IQCK: variants seen among roughly 807,000 people sequenced by gnomAD.
IQCK encodes IQ motif containing K, also known as IQ domain-containing protein K.
In IQCK, 29 loss-of-function variants were observed where a neutral mutation model predicts 28.1. That is an observed-to-expected ratio of 1.03 (90% CI 0.77 to 1.41). IQCK has a LOEUF of 1.41. Among genes scored for constraint, IQCK ranks in the 40% most tolerant of loss-of-function variants. The probability of loss-of-function intolerance (pLI) is 0.00; values close to 1 mark genes in which losing one functional copy is unlikely to be tolerated. For missense variants in IQCK, 359 were observed against 314.7 expected (o/e 1.14, Z -1.07); for synonymous variants, 113 against 115.1 (o/e 0.98, Z 0.12).
chr16:19,726,589 A>G (rs1977662516), intron 1 of IQCK, among the ~76,000 whole-genome samples: 1 of 152,246 alleles, frequency 6.6e-6, no homozygotes, highest in Non-Finnish European at 1.5e-5. Flanking sequence ...TACACTGGTT[A>G]AATAAATGTG....
chr16:19,760,531 C>T (rs1476041150), intron 4 of IQCK, among the ~76,000 whole-genome samples: 1 of 152,154 alleles, frequency 6.6e-6, no homozygotes, highest in Non-Finnish European at 1.5e-5. Flanking sequence ...AATCCCGTTT[C>T]CAATACAGTC....
rs573203982 is a variant in IQCK, at chr16:19,743,491, T to A, written c.474+8041T>A. Among the ~76,000 whole-genome samples, 4 of 152,346 alleles carry A rather than the reference T, an allele frequency of 2.6e-5. No individual in the cohort carries two copies. The South Asian group carries it at 8.3e-4, about 32-fold the overall frequency. On this transcript the variant is annotated intron_variant, in intron 4 of 7. Coordinates refer to ENST00000564186, the Ensembl canonical transcript of IQCK. ...GAGGCTAGGATTCAAGAATAGTAGT[T>A]GTCAGCACTTTTTGAGCCTTGCTTT...
intron 7 of IQCK, among the ~76,000 whole-genome samples, chr16:19,824,178 A>T (rs1427290071): frequency 6.6e-6 from 1 of 152,152 alleles, no homozygotes; most frequent in Non-Finnish European, 1.5e-5. Context: ...ATCAGTGGCA[A>T]CCCTGAGCTT....
intron 1 of IQCK, among the ~76,000 whole-genome samples, chr16:19,724,619 C>T (rs763908923): frequency 1.1e-4 from 17 of 152,026 alleles, no homozygotes; most frequent in Non-Finnish European, 2.1e-4. Context: ...AGCTCCGCCT[C>T]CTGGATTCAC....
At chr16:19,842,314 A>G (rs1338306270) in intron 9 of IQCK, among the ~76,000 whole-genome samples, 1 of 152,230 alleles carries the variant, frequency 6.6e-6, no homozygotes, top group African/African-American at 2.4e-5. Flanking sequence ...TTTGTTTGAG[A>G]TGTGTTTGTG....
intron 9 of IQCK, among the ~76,000 whole-genome samples, chr16:19,836,723 A>G (rs928400936): frequency 1.3e-5 from 2 of 152,182 alleles, no homozygotes; most frequent in East Asian, 1.9e-4. Flanking sequence ...CATGTTGGCC[A>G]GGATGCTCTT....
At chr16:19,828,073 T>G (rs2056172367), downstream of IQCK, among the ~76,000 whole-genome samples, 1 of 148,364 alleles carries the variant, frequency 6.7e-6, no homozygotes, top group South Asian at 2.1e-4. Flanking sequence ...CCACCACGCC[T>G]GGGTAATTTT....
intron 4 of IQCK, among the ~76,000 whole-genome samples, chr16:19,747,954 G>A (rs147641365): frequency 4.4e-4 from 67 of 152,194 alleles, no homozygotes; most frequent in Middle Eastern, 6.8e-3. Flanking sequence ...AAATAATATG[G>A]ACCGGGTCAC....
chr16:19,752,812 C>T (rs1008258515), intron 4 of IQCK, among the ~76,000 whole-genome samples: 1 of 152,070 alleles, frequency 6.6e-6, no homozygotes, highest in Non-Finnish European at 1.5e-5. Flanking sequence ...GATCCACTTG[C>T]CTCAGCCTCC....
intron 2 of IQCK, among the ~76,000 whole-genome samples, chr16:19,731,877 G>A (rs760338446): frequency 1.6e-4 from 25 of 152,202 alleles, no homozygotes; most frequent in Non-Finnish European, 3.7e-4. Flanking sequence ...AGAAACAACA[G>A]TGTAACTACC....
intron 4 of IQCK, among the ~76,000 whole-genome samples, chr16:19,749,796 G>A (rs937253088): frequency 5.9e-5 from 9 of 151,800 alleles, no homozygotes; most frequent in Admixed American, 5.3e-4. Context: ...AAAAGAAAAA[G>A]TGTGCCAATT....
At chr16:19,808,839 A>T (rs955044379) in intron 7 of IQCK, among the ~76,000 whole-genome samples, 2 of 152,334 alleles carry the variant, frequency 1.3e-5, no homozygotes, top group East Asian at 3.9e-4. Flanking sequence ...GGTTAGCACC[A>T]GCCAAATCTC....
At chr16:19,721,177 A>C (rs1219904467) in intron 1 of IQCK, among the ~76,000 whole-genome samples, 2 of 152,206 alleles carry the variant, frequency 1.3e-5, no homozygotes, top group Non-Finnish European at 2.9e-5. Flanking sequence ...ACATGAAAAA[A>C]CAGGCTTTGT....
At chr16:19,761,500 G>A in intron 4 of IQCK, 1 of 443,232 alleles carries the variant, frequency 2.3e-6, no homozygotes, top group South Asian at 1.6e-5. Flanking sequence ...TTCTTCTTGG[G>A]AAGGATCTCT....
At chr16:19,778,737 C>T (rs1303797618) in intron 6 of IQCK, among the ~76,000 whole-genome samples, 1 of 152,046 alleles carries the variant, frequency 6.6e-6, no homozygotes, top group African/African-American at 2.4e-5. Context: ...TGGAGAACTG[C>T]TTGGTGTGAA....
At chr16:19,815,811 AAG>A (rs1365608688) in intron 7 of IQCK, among the ~76,000 whole-genome samples, 3 of 152,260 alleles carry the variant, frequency 2.0e-5, no homozygotes, top group African/African-American at 4.8e-5. Flanking sequence ...AGTTGAATTC[AAG>A]AGAGTTATGA....
chr16:19,802,947 G>A (rs1314354189), intron 7 of IQCK, among the ~76,000 whole-genome samples: 2 of 152,262 alleles, frequency 1.3e-5, no homozygotes, highest in East Asian at 3.9e-4. Flanking sequence ...TTTTACGTAA[G>A]ACTCGTTTAT....
rs1567533892 is a variant in IQCK at position 19,730,502 on chromosome 16, T to C, written c.246+8T>C. On this transcript the variant is annotated splice_region_variant and intron_variant, in intron 2 of 7. Transcript: ENST00000564186. ...CAGGAGCCTGTGATTACGGTGAGTATTACCTAGGCCTCAACCGAAGCAAGA... is the reference window on the plus strand; with the variant it reads ...CAGGAGCCTGTGATTACGGTGAGTACTACCTAGGCCTCAACCGAAGCAAGA... 1.9e-6 allele frequency: 3 copies of C among 1,595,210 alleles called. No individual in the cohort carries two copies. Among genetic ancestry groups the C allele is most frequent in the Non-Finnish European group, 2.6e-6 (3 of 1,170,088 alleles).
intron 7 of IQCK, among the ~76,000 whole-genome samples, chr16:19,789,423 A>C (rs917633792): frequency 2.3e-5 from 2 of 88,342 alleles, no homozygotes; most frequent in African/African-American, 1.5e-4. Flanking sequence ...AAAAAAAAAA[A>C]AAAAAAAAAA....
Sources: allele counts gnomAD v4.1 joint callset (sites outside exome capture counted in the v4.1 genomes callset), GRCh38; gene constraint gnomAD v4.1.1; transcripts MANE v1.5; gene names NCBI Gene and HGNC (gene_info 2026-07-23, HGNC 2026-07-21).